The following RAD54L2 variants were observed in gnomAD, a reference collection of about 807,000 sequenced individuals.
The protein encoded by RAD54L2 is helicase ARIP4.
Under a neutral mutation model 138.4 loss-of-function variants are expected in RAD54L2, and 27 were observed. That is an observed-to-expected ratio of 0.20 (90% CI 0.14 to 0.27). The LOEUF is 0.27. Among genes scored for constraint, RAD54L2 ranks in the 10% least tolerant of loss-of-function variants. The probability of loss-of-function intolerance (pLI) is 1.00; values close to 1 mark genes in which losing one functional copy is unlikely to be tolerated. For synonymous variants in RAD54L2, 644 were observed against 723.2 expected, an observed-to-expected ratio of 0.89 and a Z score of 1.76; for missense variants, 1,396 against 1,890.2, an observed-to-expected ratio of 0.74 and a Z score of 4.85.
intron 3 of RAD54L2, among the ~76,000 whole-genome samples, chr3:51,607,116 T>A (rs111947778): frequency 5.9e-5 from 9 of 151,308 alleles, no homozygotes; most frequent in African/African-American, 2.2e-4. Context: ...ATTTTATTTT[T>A]TTTAGTATTT....
At chr3:51,658,437 T>G (rs1212069408) in intron 21 of RAD54L2, among the ~76,000 whole-genome samples, 1 of 152,158 alleles carries the variant, frequency 6.6e-6, no homozygotes, top group Non-Finnish European at 1.5e-5. Context: ...ATATGGTAAT[T>G]TAAAAAGTCC....
chr3:51,656,736 A>G (rs1701609666), intron 20 of RAD54L2, among the ~76,000 whole-genome samples: 1 of 152,054 alleles, frequency 6.6e-6, no homozygotes, highest in African/African-American at 2.4e-5. Flanking sequence ...CAATATTTAT[A>G]ATATATAAAT....
intron 2 of RAD54L2, among the ~76,000 whole-genome samples, chr3:51,543,893 T>A (rs1259667851): frequency 6.6e-6 from 1 of 152,176 alleles, no homozygotes; most frequent in African/African-American, 2.4e-5. Context: ...GGGCACCACC[T>A]TCTCTTAATA....
At chr3:51,576,041 A>G (rs778140110) in intron 2 of RAD54L2, among the ~76,000 whole-genome samples, 1 of 152,174 alleles carries the variant, frequency 6.6e-6, no homozygotes, top group Non-Finnish European at 1.5e-5. Flanking sequence ...TAGTTTATTG[A>G]GAGTTTTTAG....
At chr3:51,559,187 C>T (rs1259461966) in intron 2 of RAD54L2, among the ~76,000 whole-genome samples, 7 of 152,192 alleles carry the variant, frequency 4.6e-5, no homozygotes, top group South Asian at 2.1e-4. Flanking sequence ...TGCGCCTGGC[C>T]GACAATAGCC....
intron 3 of RAD54L2, among the ~76,000 whole-genome samples, chr3:51,594,195 C>T (rs1364790067): frequency 4.6e-5 from 7 of 151,488 alleles, no homozygotes; most frequent in East Asian, 1.9e-4. Context: ...CTCAGCCTCC[C>T]GAGTAGTAGC....
At position 51,662,744 on chromosome 3, in the gene RAD54L2, G is replaced by A. The variant is rs149132574; in HGVS notation, c.3728G>A (p.Gly1243Asp). 9.3e-6 allele frequency: 15 copies of A among 1,613,188 alleles called. No individual in the cohort carries two copies. Among genetic ancestry groups the A allele is most frequent in the Admixed American group, 1.7e-5 (1 of 59,904 alleles). The change falls in exon 23 of 23, where the codon GGT (glycine) becomes GAT (aspartate). Residue 1243 changes from glycine (G) to aspartate (D), a missense_variant. This residue lies in a region of RAD54L2 where 634 missense variants were observed against 711.2 expected (regional missense o/e 0.89). Coordinates refer to ENST00000684192, the MANE Select transcript of RAD54L2 (RefSeq NM_015106.4). This position sits in a 1 kb window ranked among gnomAD's most constrained non-coding sequence, Gnocchi z 4.6. ...CTCTTGGTGACTGGCCAGCCCTGTG[G>A]TGACAGGCACCCAGTGCTGGACTTA... ...SSLLVTGQPCGDRHPVLDLRG... is the reference protein window; with the variant it reads ...SSLLVTGQPCDDRHPVLDLRG...
chr3:51,654,575 C>G (rs1483833177), intron 19 of RAD54L2, among the ~76,000 whole-genome samples: 1 of 152,140 alleles, frequency 6.6e-6, no homozygotes, highest in African/African-American at 2.4e-5. Flanking sequence ...CTGTCATTTC[C>G]CAAGATAGTA....
intron 1 of RAD54L2, among the ~76,000 whole-genome samples, chr3:51,539,763 C>T (rs1384144088): frequency 6.6e-6 from 1 of 152,008 alleles, no homozygotes; most frequent in African/African-American, 2.4e-5. Context: ...CCTCTTACTG[C>T]GTGGGAGTGG....
intron 15 of RAD54L2, among the ~76,000 whole-genome samples, 163 bp from the exon 16 acceptor site, chr3:51,643,712 C>T (rs1368335182): frequency 2.6e-5 from 4 of 152,344 alleles, no homozygotes; most frequent in East Asian, 1.9e-4. Flanking sequence ...ATTATAGATG[C>T]CTGGGCCTTA....
intron 7 of RAD54L2, among the ~76,000 whole-genome samples, chr3:51,632,748 T>C (rs1700881083): frequency 6.6e-6 from 1 of 151,480 alleles, no homozygotes; most frequent in Non-Finnish European, 1.5e-5. Context: ...AAAAATTAGG[T>C]GGGCATGGTG....
intron 3 of RAD54L2, among the ~76,000 whole-genome samples, chr3:51,606,602 T>C (rs79839834): frequency 0.029 from 4,471 of 152,278 alleles, 102 homozygotes; most frequent in Non-Finnish European, 0.043. Flanking sequence ...CATTACAGCG[T>C]GGCCCCAGAT....
chr3:51,601,789 C>T (rs891759787), intron 3 of RAD54L2, among the ~76,000 whole-genome samples: 2 of 151,620 alleles, frequency 1.3e-5, no homozygotes, highest in Non-Finnish European at 2.9e-5. Context: ...CCTTTCATTA[C>T]TCAGTAGTAT....
At chr3:51,594,800 A>G (rs1000343017) in intron 3 of RAD54L2, among the ~76,000 whole-genome samples, 5 of 139,952 alleles carry the variant, frequency 3.6e-5, no homozygotes, top group Non-Finnish European at 6.1e-5. Flanking sequence ...GAGATGACCT[A>G]TGGTTAGATC....
chr3:51,573,780 T>C (rs532020881), intron 2 of RAD54L2, among the ~76,000 whole-genome samples: 1 of 152,340 alleles, frequency 6.6e-6, no homozygotes, highest in East Asian at 1.9e-4. Flanking sequence ...TTTAAATCTT[T>C]GGAGAACTAG....
At chr3:51,589,255 G>T (rs962110237) in intron 2 of RAD54L2, among the ~76,000 whole-genome samples, 1 of 152,084 alleles carries the variant, frequency 6.6e-6, no homozygotes, top group South Asian at 2.1e-4. Context: ...TCTTAGCCAG[G>T]CATGGTTGTA....
intron 22 of RAD54L2, among the ~76,000 whole-genome samples, chr3:51,660,603 G>A (rs1390930171): frequency 2.7e-5 from 4 of 146,924 alleles, no homozygotes; most frequent in South Asian, 2.2e-4. Context: ...GAGCCACCGC[G>A]CCCAGCCTTT....
Position 51,539,498 on chromosome 3 carries a change from G to C in RAD54L2, c.-117+583G>C, listed in dbSNP as rs533371558. The stretch of plus-strand genomic sequence containing the variant: ...AGTTAAGCAGAGAGCTGGATCCTCC[G>C]GGGCCCTGATGCACCCTGACGAGGA... On this transcript the variant is annotated intron_variant, in intron 1 of 22. Transcript: ENST00000684192. 4.6e-5 allele frequency among the ~76,000 whole-genome samples: 7 copies of C among 152,230 alleles called. No homozygotes were observed. The East Asian group carries it at 1.4e-3, about 29-fold the overall frequency.
chr3:51,646,083 G>A (rs926863907), intron 18 of RAD54L2, among the ~76,000 whole-genome samples: 1 of 152,144 alleles, frequency 6.6e-6, no homozygotes, highest in Non-Finnish European at 1.5e-5. Flanking sequence ...GATAGGGAAG[G>A]CAGACTTAGA....
Sources: gnomAD v4.1 joint callset for allele counts (sites outside exome capture counted in the v4.1 genomes callset) on GRCh38, gnomAD v4.1.1 for gene constraint, gnomAD v4.1.1 regional missense constraint, Gnocchi (gnomAD v3.1) non-coding constraint, MANE v1.5 for transcripts, NCBI Gene and HGNC (gene_info 2026-07-23, HGNC 2026-07-21) for gene names.